The following RIPOR2 variants were observed in gnomAD, a reference collection of about 807,000 sequenced individuals.
RIPOR2 encodes the protein rho family-interacting cell polarization regulator 2.
A neutral mutation model predicts 114.5 loss-of-function variants in RIPOR2; 39 were observed. The observed-to-expected ratio is 0.34, with a 90% CI of 0.26 to 0.44. The LOEUF (loss-of-function observed/expected upper bound fraction) is 0.44. Among genes scored for constraint, RIPOR2 ranks in the 20% least tolerant of loss-of-function variants. The pLI is 1.00. For missense variants in RIPOR2, 1,007 were observed against 1,255.1 expected (o/e 0.80, Z 2.99); for synonymous variants, 445 against 484.4 (o/e 0.92, Z 1.07).
chr6:25,002,211 T>C (rs1280370964), intron 1 of RIPOR2, among the ~76,000 whole-genome samples: 1 of 152,224 alleles, frequency 6.6e-6, no homozygotes, highest in East Asian at 1.9e-4. Flanking sequence ...ATTCAGTAAA[T>C]GGCATTTAAA....
At chr6:25,022,568 T>TTTTTG (rs1776384246) in intron 1 of RIPOR2, among the ~76,000 whole-genome samples, 2 of 102,248 alleles carry the variant, frequency 2.0e-5, no homozygotes, top group African/African-American at 3.7e-5. Context: ...TTTTTTTTTT[T>TTTTTG]AGACAGGTTC....
At chr6:24,991,167 C>A (rs1417571013) in intron 1 of RIPOR2, among the ~76,000 whole-genome samples, 1 of 152,154 alleles carries the variant, frequency 6.6e-6, no homozygotes, top group Non-Finnish European at 1.5e-5. Flanking sequence ...TTGCTCAAAC[C>A]TCAGGTAGGT....
intron 1 of RIPOR2, among the ~76,000 whole-genome samples, chr6:24,943,262 G>C (rs1485297922): frequency 2.0e-5 from 3 of 152,126 alleles, no homozygotes; most frequent in African/African-American, 7.2e-5. Flanking sequence ...AATACTGCAT[G>C]TTCTCACTCA....
chr6:24,880,772 T>C (rs866819222), intron 1 of RIPOR2, among the ~76,000 whole-genome samples: 1 of 152,342 alleles, frequency 6.6e-6, no homozygotes, highest in Middle Eastern at 3.4e-3. Flanking sequence ...AAGTCCTTAT[T>C]ATGAGTTCTG....
At chr6:25,023,524 G>C in intron 1 of RIPOR2, 1 of 772,838 alleles carries the variant, frequency 1.3e-6, no homozygotes, top group Non-Finnish European at 2.4e-6. Flanking sequence ...GCCAGAAAGC[G>C]GTGTACACCA....
chr6:24,896,233 T>G (rs977032051), intron 1 of RIPOR2, among the ~76,000 whole-genome samples: 2 of 152,198 alleles, frequency 1.3e-5, no homozygotes, highest in Non-Finnish European at 2.9e-5. Flanking sequence ...CTTTCACGGG[T>G]TGCTTAAGTT....
chr6:24,958,212 TA>T (rs1773133027), intron 1 of RIPOR2, among the ~76,000 whole-genome samples: 1 of 152,212 alleles, frequency 6.6e-6, no homozygotes, highest in Non-Finnish European at 1.5e-5. Flanking sequence ...TATTATAGTG[TA>T]GTATGGTCAT....
intron 19 of RIPOR2, among the ~76,000 whole-genome samples, chr6:24,821,882 T>C (rs1759731660): frequency 6.6e-6 from 1 of 152,246 alleles, no homozygotes; most frequent in Non-Finnish European, 1.5e-5. Flanking sequence ...AATGCAAACA[T>C]GCCCGAGAGG....
At chr6:24,892,233 A>T (rs1251403272) in intron 1 of RIPOR2, among the ~76,000 whole-genome samples, 1 of 151,766 alleles carries the variant, frequency 6.6e-6, no homozygotes, top group East Asian at 1.9e-4. Context: ...ATCACCTCAC[A>T]CTCACCAGTT....
chr6:24,951,773 T>G (rs968864228), intron 1 of RIPOR2, among the ~76,000 whole-genome samples: 4 of 152,182 alleles, frequency 2.6e-5, no homozygotes, highest in African/African-American at 7.2e-5. Flanking sequence ...CTGGGTAGGA[T>G]TTTTTCACTG....
chr6:25,006,438 T>C (rs879202676), intron 1 of RIPOR2, among the ~76,000 whole-genome samples: 1 of 152,264 alleles, frequency 6.6e-6, no homozygotes, highest in Non-Finnish European at 1.5e-5. Context: ...AAATTGTATT[T>C]GTCTTCAGGC....
chr6:24,877,354 C>T (rs1165892054), intron 1 of RIPOR2: 2 of 985,214 alleles, frequency 2.0e-6, no homozygotes, highest in African/African-American at 1.7e-5. Flanking sequence ...TGCATTCTTG[C>T]GAGGTACAGG....
At chr6:24,838,114 C>T (rs997264034) in intron 14 of RIPOR2, among the ~76,000 whole-genome samples, 1 of 152,184 alleles carries the variant, frequency 6.6e-6, no homozygotes, top group African/African-American at 2.4e-5. Flanking sequence ...CATGAGGACA[C>T]CGGACGGTGA....
At chr6:24,992,185 T>G (rs1774853642) in intron 1 of RIPOR2, among the ~76,000 whole-genome samples, 1 of 152,206 alleles carries the variant, frequency 6.6e-6, no homozygotes, top group African/African-American at 2.4e-5. Context: ...CAAGGTACTA[T>G]AGGAGGAGAT....
At chr6:24,913,150 AGTGT>A (rs10598852) in intron 1 of RIPOR2, among the ~76,000 whole-genome samples, 280 of 149,362 alleles carry the variant, frequency 1.9e-3, no homozygotes, top group East Asian at 6.5e-3. Flanking sequence ...GCATGACTTG[AGTGT>A]GTGTGTGTGT....
At chr6:24,925,261 G>A (rs942392953) in intron 1 of RIPOR2, among the ~76,000 whole-genome samples, 1 of 152,134 alleles carries the variant, frequency 6.6e-6, no homozygotes, top group Non-Finnish European at 1.5e-5. Context: ...TATCTTTCTG[G>A]GTGTATTATC....
chr6:25,027,060 A>G (rs6918101), intron 1 of RIPOR2, among the ~76,000 whole-genome samples: 2 of 152,156 alleles, frequency 1.3e-5, no homozygotes, highest in East Asian at 1.9e-4. Context: ...CAAGTCTCCT[A>G]TAAGTAGCTG....
chr6:24,950,636 G>A (rs1772699243), intron 1 of RIPOR2, among the ~76,000 whole-genome samples: 1 of 152,164 alleles, frequency 6.6e-6, no homozygotes, highest in Non-Finnish European at 1.5e-5. Context: ...AACATGGCAG[G>A]GTCACCGGAG....
intron 1 of RIPOR2, among the ~76,000 whole-genome samples, chr6:24,956,559 C>T (rs1225916720): frequency 6.6e-6 from 1 of 152,170 alleles, no homozygotes; most frequent in African/African-American, 2.4e-5. Context: ...ATCCTCATGA[C>T]ACGCTAGGTA....
Sources: gnomAD v4.1 joint callset for allele counts (sites outside exome capture counted in the v4.1 genomes callset) on GRCh38, gnomAD v4.1.1 for gene constraint, MANE v1.5 for transcripts, NCBI Gene and HGNC (gene_info 2026-07-23, HGNC 2026-07-21) for gene names.